The following PRKG1 variants were observed in gnomAD, a reference collection of about 807,000 sequenced individuals.
PRKG1 encodes protein kinase cGMP-dependent 1, also known as cGMP-dependent protein kinase 1.
A neutral mutation model predicts 88.1 loss-of-function variants in PRKG1; 35 were observed. That is an observed-to-expected ratio of 0.40 (90% confidence interval 0.30 to 0.53). The LOEUF is 0.53. Among genes scored for constraint, PRKG1 ranks in the 20% least tolerant of loss-of-function variants. The probability of loss-of-function intolerance (pLI) is 0.59; values close to 1 mark genes in which losing one functional copy is unlikely to be tolerated. For synonymous variants in PRKG1, 303 were observed against 292.5 expected, an observed-to-expected ratio of 1.04 and a Z score of -0.37; for missense variants, 540 against 839.8, an observed-to-expected ratio of 0.64 and a Z score of 4.41.
At chr10:51,904,751 T>C (rs1842049761) in intron 4 of PRKG1, among the ~76,000 whole-genome samples, 1 of 152,174 alleles carries the variant, frequency 6.6e-6, no homozygotes, top group Non-Finnish European at 1.5e-5. Context: ...TGCTGCTCAA[T>C]GTTTTGAGGC....
chr10:52,013,717 T>A (rs963740384), intron 5 of PRKG1, among the ~76,000 whole-genome samples: 4 of 152,222 alleles, frequency 2.6e-5, no homozygotes, highest in Admixed American at 6.5e-5. Flanking sequence ...TTAATGTGTG[T>A]TTGAAGTGGG....
rs201334891 is a variant in PRKG1 at position 51,074,754 on chromosome 10, C to G, written c.164C>G (p.Pro55Arg). The change falls in exon 1 of 18, where the codon CCA (proline) becomes CGA (arginine). Residue 55 changes from proline (P) to arginine (R), a missense_variant. Physicochemically the swap from Pro to Arg is moderately radical, Grantham distance 103. Transcript: ENST00000373980. ...ELDKYRSVIR[P>R]ATQQAQKQSA... ...GACAAGTACCGCTCGGTGATCCGAC[C>G]AGCCACCCAGCAGGCGCAGAAGCAG... The G allele has an allele frequency of 1.2e-6, 2 of 1,614,054 alleles. No homozygotes were observed. Among genetic ancestry groups the G allele is most frequent in the Admixed American group, 3.3e-5 (2 of 60,010 alleles).
At chr10:51,819,978 G>T (rs1294198870) in intron 4 of PRKG1, among the ~76,000 whole-genome samples, 1 of 152,052 alleles carries the variant, frequency 6.6e-6, no homozygotes, top group African/African-American at 2.4e-5. Context: ...CTTTATGTGG[G>T]TTTCAAATAG....
chr10:51,701,390 T>C (rs1259765960), intron 3 of PRKG1, among the ~76,000 whole-genome samples: 1 of 152,242 alleles, frequency 6.6e-6, no homozygotes, highest in East Asian at 1.9e-4. Flanking sequence ...AGACATCCAT[T>C]TACCTTCAAG....
chr10:51,057,135 TGCACACATATATATTGTGTGTATATAC>T (rs1291333508), intron 1 of PRKG1, among the ~76,000 whole-genome samples: 1 of 152,272 alleles, frequency 6.6e-6, no homozygotes, highest in African/African-American at 2.4e-5. Flanking sequence ...CATGTGCGTA[TGCACACATATATATTGTGTGTATATAC>T]ACACACATAC....
chr10:52,186,907 C>T (rs1274954555), intron 9 of PRKG1, among the ~76,000 whole-genome samples: 1 of 152,056 alleles, frequency 6.6e-6, no homozygotes, highest in Non-Finnish European at 1.5e-5. Context: ...ATTTTAGGTG[C>T]AATGTGGAAG....
chr10:51,242,992 T>G (rs973900830), intron 2 of PRKG1, among the ~76,000 whole-genome samples: 3 of 152,314 alleles, frequency 2.0e-5, no homozygotes, highest in African/African-American at 7.2e-5. Flanking sequence ...ACTGGATTTC[T>G]GTGAATGTTT....
At chr10:51,500,689 C>A (rs924841654) in intron 3 of PRKG1, among the ~76,000 whole-genome samples, 3 of 152,144 alleles carry the variant, frequency 2.0e-5, no homozygotes, top group African/African-American at 7.2e-5. Context: ...CTACCAAAAT[C>A]CCCTTTCTCT....
intron 2 of PRKG1, among the ~76,000 whole-genome samples, chr10:51,188,865 A>G (rs1473596928): frequency 6.6e-6 from 1 of 151,934 alleles, no homozygotes; most frequent in Non-Finnish European, 1.5e-5. Flanking sequence ...TCTCCAAAAG[A>G]ACTGAAATGA....
intron 7 of PRKG1, among the ~76,000 whole-genome samples, chr10:52,066,636 G>A (rs7900083): frequency 0.17 from 26,290 of 152,112 alleles, 2,862 homozygotes; most frequent in South Asian, 0.28. Flanking sequence ...AGTAAAACAG[G>A]TGGCAAACTG....
intron 1 of PRKG1, among the ~76,000 whole-genome samples, chr10:51,029,459 C>T (rs1843250094): frequency 6.6e-6 from 1 of 152,092 alleles, no homozygotes; most frequent in Admixed American, 6.6e-5. Context: ...TAGAAAGTCA[C>T]CTCATCCATT....
rs574374538 is a variant in PRKG1, at chr10:52,126,916, T to C, written c.936-6924T>C. Among the ~76,000 whole-genome samples the C allele has an allele frequency of 3.3e-5, 5 of 152,304 alleles. No homozygotes were observed. The East Asian group carries it at 9.6e-4, about 29-fold the overall frequency. ...AACTATACATGAAAACATTGAAACA[T>C]TGACATTTTTCTTGTTTTCTTTAAA... On this transcript the variant is annotated intron_variant, in intron 7 of 17. Coordinates refer to ENST00000373980, the MANE Select transcript of PRKG1 (RefSeq NM_006258.4).
intron 1 of PRKG1, among the ~76,000 whole-genome samples, chr10:51,101,352 A>G (rs573006717): frequency 2.6e-5 from 4 of 152,212 alleles, no homozygotes; most frequent in African/African-American, 9.6e-5. Context: ...CAGAAACCCA[A>G]TTGGCTGGCA....
At chr10:52,250,158 C>T (rs1031978641) in intron 9 of PRKG1, among the ~76,000 whole-genome samples, 1 of 152,158 alleles carries the variant, frequency 6.6e-6, no homozygotes, top group South Asian at 2.1e-4. Flanking sequence ...AACCATCTCC[C>T]GGATCACTAT....
intron 7 of PRKG1, among the ~76,000 whole-genome samples, chr10:52,123,912 A>G (rs932019281): frequency 5.3e-5 from 8 of 152,146 alleles, no homozygotes; most frequent in Non-Finnish European, 1.0e-4. Context: ...TCTGTGTTCT[A>G]TGGTCTCTGC....
chr10:51,618,654 A>G (rs1198214523), intron 3 of PRKG1, among the ~76,000 whole-genome samples: 1 of 152,192 alleles, frequency 6.6e-6, no homozygotes, highest in Non-Finnish European at 1.5e-5. Flanking sequence ...CAAGTAATAT[A>G]GAGTTTTGGA....
chr10:52,025,554 G>T (rs529532437), intron 5 of PRKG1, among the ~76,000 whole-genome samples: 4 of 152,144 alleles, frequency 2.6e-5, no homozygotes, highest in African/African-American at 9.6e-5. Context: ...TGGCTAGCCA[G>T]TTTTCCCAGC....
intron 9 of PRKG1, among the ~76,000 whole-genome samples, chr10:52,225,904 T>G (rs1438872883): frequency 6.6e-6 from 1 of 152,148 alleles, no homozygotes; most frequent in African/African-American, 2.4e-5. Context: ...ATAATGTAGT[T>G]TGAAATCAGG....
chr10:52,180,546 T>A (rs557173650), intron 9 of PRKG1, among the ~76,000 whole-genome samples: 1 of 152,316 alleles, frequency 6.6e-6, no homozygotes, highest in African/African-American at 2.4e-5. Flanking sequence ...ATTTTACTGA[T>A]GTATGTGGGT....
Sources: gnomAD v4.1 joint callset for allele counts (sites outside exome capture counted in the v4.1 genomes callset) on GRCh38, gnomAD v4.1.1 for gene constraint, MANE v1.5 for transcripts, NCBI Gene and HGNC (gene_info 2026-07-23, HGNC 2026-07-21) for gene names.